Variants in LRP2 observed in about 807,000 individuals in gnomAD.
The protein encoded by LRP2 is low-density lipoprotein receptor-related protein 2.
Under a neutral mutation model 531.0 loss-of-function variants are expected in LRP2, and 172 were observed. The observed-to-expected ratio is 0.32, with a 90% confidence interval of 0.29 to 0.37. The LOEUF (loss-of-function observed/expected upper bound fraction) is 0.37, where lower values mean the gene tolerates loss of function less well. LRP2 is among the 10% of genes least tolerant of loss of function. The pLI, the probability that LRP2 is intolerant of heterozygous loss-of-function variation, is 1.00. For synonymous variants in LRP2, 1,992 were observed against 2,027.6 expected (o/e 0.98, Z 0.47); for missense variants, 5,167 against 5,868.3 (o/e 0.88, Z 3.90).
chr2:169,186,106 A>C (rs1172775998), intron 49 of LRP2, 87 bp from the exon 50 acceptor site: 2 of 1,170,592 alleles, frequency 1.7e-6, no homozygotes, highest in Admixed American at 3.5e-5. Context: ...TCTACTAAAC[A>C]GTGCCAATTC....
At chr2:169,260,854 T>C (rs76743636) in intron 16 of LRP2, among the ~76,000 whole-genome samples, 2,828 of 137,324 alleles carry the variant, frequency 0.021, 88 homozygotes, top group African/African-American at 0.067. Context: ...AAAGAAAAGA[T>C]CTCCAGGGTA....
At chr2:169,168,018 A>AATATATATATATTTATATATAT in intron 61 of LRP2, among the ~76,000 whole-genome samples, 1 of 68,190 alleles carries the variant, frequency 1.5e-5, no homozygotes, top group East Asian at 3.5e-4. Flanking sequence ...CAGGGTTTAA[A>AATATATATATATTTATATATAT]ATATATATAT....
At chr2:169,149,561 G>A (rs944643364) in intron 68 of LRP2, among the ~76,000 whole-genome samples, 1 of 152,252 alleles carries the variant, frequency 6.6e-6, no homozygotes, top group African/African-American at 2.4e-5. Context: ...TTCTGGCCAG[G>A]TGTGGTGGCT....
intron 33 of LRP2, 61 bp downstream of exon 33, chr2:169,225,249 G>A (rs1689159561): frequency 6.5e-7 from 1 of 1,545,540 alleles, no homozygotes; most frequent in Non-Finnish European, 8.9e-7. Context: ...CTATTCCTGA[G>A]ACTAGAGTTT....
At chr2:169,259,745 CAAAA>C (rs5836225) in intron 16 of LRP2, among the ~76,000 whole-genome samples, 3 of 150,724 alleles carry the variant, frequency 2.0e-5, no homozygotes, top group Non-Finnish European at 4.4e-5. Flanking sequence ...ACAACAACAA[CAAAA>C]AAAAAAAAAC....
At chr2:169,278,895 T>C (rs188814228) in intron 12 of LRP2, among the ~76,000 whole-genome samples, 19 of 152,340 alleles carry the variant, frequency 1.2e-4, no homozygotes, top group Admixed American at 9.8e-4. Context: ...AATGAGATAT[T>C]AGCATTGATA....
intron 13 of LRP2, among the ~76,000 whole-genome samples, chr2:169,276,630 C>T (rs1425569884): frequency 6.6e-6 from 1 of 152,034 alleles, no homozygotes; most frequent in African/African-American, 2.4e-5. Flanking sequence ...AATCCAATGG[C>T]AAACTGTGAT....
At chr2:169,353,810 G>A (rs1685919277) in intron 1 of LRP2, among the ~76,000 whole-genome samples, 1 of 152,160 alleles carries the variant, frequency 6.6e-6, no homozygotes, top group African/African-American at 2.4e-5. Context: ...GAACAACATG[G>A]AGAAACCTCA....
chr2:169,172,274 T>C (rs903431502), intron 57 of LRP2, 140 bp from the exon 58 acceptor site: 28 of 963,144 alleles, frequency 2.9e-5, no homozygotes, highest in Non-Finnish European at 4.0e-5. Context: ...CCAGCAACAT[T>C]CATGGTCAAC....
chr2:169,289,151 C>A lies in LRP2; in HGVS notation c.923-6G>T. 6.2e-7 allele frequency: 1 copy of A among 1,613,824 alleles called. No homozygotes were observed. The highest frequency in any genetic ancestry group is 8.5e-7 in the Non-Finnish European group (1 of 1,179,830). On this transcript the variant is annotated splice_polypyrimidine_tract_variant and splice_region_variant and intron_variant, in intron 8 of 78. Coordinates refer to ENST00000649046, the MANE Select transcript of LRP2 (RefSeq NM_004525.3). ...GGCAGAGCACAGAGTCATACCTAAA[C>A]GAAGAAAAGAACTTTGTTAAATGAA...
intron 1 of LRP2, among the ~76,000 whole-genome samples, chr2:169,327,361 C>A (rs1216308075): frequency 7.8e-6 from 1 of 127,610 alleles, no homozygotes; most frequent in Non-Finnish European, 1.7e-5. Flanking sequence ...AGGTGAGGGG[C>A]GCCTCTGCCC....
chr2:169,127,306 G>A lies in LRP2; in HGVS notation c.*1357C>T, dbSNP rs1227543443. 1.3e-5 allele frequency: 2 copies of A among 152,302 alleles called. No homozygotes were observed. Among genetic ancestry groups the A allele is most frequent in the African/African-American group, 4.8e-5 (2 of 41,380 alleles). The allele number at this position is 152,302 out of a possible 1,614,324, so 9.4% of individuals were successfully genotyped here. A position where few individuals can be genotyped will look rare whatever the true frequency, so the allele number is the denominator to read the frequency against. On this transcript the variant is annotated 3_prime_UTR_variant, in exon 79 of 79. Transcript: ENST00000649046. The stretch of plus-strand genomic sequence containing the variant: ...TCCATTCATTCATTGTTTAACAAAT[G>A]TGCAATATTAGCACAGAGAGTCAGG...
chr2:169,320,986 T>C (rs1684894751), intron 1 of LRP2, 102 bp from the exon 2 acceptor site: 1 of 793,012 alleles, frequency 1.3e-6, no homozygotes, highest in East Asian at 2.7e-5. Context: ...ACTAATTAGA[T>C]AATCAAAGAA....
intron 26 of LRP2, 80 bp downstream of exon 26, chr2:169,239,447 T>C (rs1488919016): frequency 2.5e-6 from 4 of 1,611,526 alleles, no homozygotes; most frequent in Non-Finnish European, 2.5e-6. Context: ...TAATCAACAT[T>C]GTCAAATACC....
At chr2:169,219,116 A>G (rs1456815896) in intron 34 of LRP2, among the ~76,000 whole-genome samples, 1 of 152,178 alleles carries the variant, frequency 6.6e-6, no homozygotes, top group African/African-American at 2.4e-5. Flanking sequence ...CGAACCTAAG[A>G]CAGTCCTTCT....
chr2:169,298,153 C>G (rs2222019), intron 4 of LRP2, among the ~76,000 whole-genome samples: 1 of 151,332 alleles, frequency 6.6e-6, no homozygotes, highest in African/African-American at 2.4e-5. Context: ...GTTTGGCCAC[C>G]AGCACTTACT....
At chr2:169,217,345 T>A (rs1688837335) in intron 34 of LRP2, among the ~76,000 whole-genome samples, 1 of 152,120 alleles carries the variant, frequency 6.6e-6, no homozygotes, top group Non-Finnish European at 1.5e-5. Context: ...AACTCTAAAC[T>A]TCTCCGCCTC....
rs908332159 is a variant in LRP2 at position 169,168,461 on chromosome 2, C to A, written c.11635+78G>T. ...AACAATTGTACAACTGCTCTCCAGG[C>A]TCACATGCTACACGTAAGAAACAAT... On this transcript the variant is annotated intron_variant, in intron 61 of 78. Coordinates refer to ENST00000649046, the MANE Select transcript of LRP2 (RefSeq NM_004525.3). 2.6e-6 allele frequency: 4 copies of A among 1,567,862 alleles called. No individual in the cohort carries two copies. In the African/African-American group the frequency reaches 5.4e-5, roughly 21 times the overall value.
chr2:169,285,158 A>T (rs1216099936), intron 9 of LRP2, among the ~76,000 whole-genome samples: 13 of 132,442 alleles, frequency 9.8e-5, no homozygotes, highest in African/African-American at 5.6e-4. Context: ...AGAATTAAAA[A>T]AAAAAAAAAA....
Sources: allele counts gnomAD v4.1 joint callset (sites outside exome capture counted in the v4.1 genomes callset), GRCh38; gene constraint gnomAD v4.1.1; transcripts MANE v1.5; gene names NCBI Gene and HGNC (gene_info 2026-07-23, HGNC 2026-07-21).